Variants in LHFPL3 observed in about 807,000 individuals in gnomAD.
LHFPL3 encodes the protein LHFPL tetraspan subfamily member 3 protein.
A neutral mutation model predicts 19.3 loss-of-function variants in LHFPL3; 5 were observed. The ratio of observed to expected loss-of-function variants is 0.26; its 90% CI spans 0.14 to 0.54. The LOEUF is 0.54. Ranked by LOEUF, LHFPL3 falls within the 20% of genes least tolerant of loss-of-function variation. LHFPL3 has a pLI of 0.94. For synonymous variants in LHFPL3, 133 were observed against 126.2 expected, an observed-to-expected ratio of 1.05 and a Z score of -0.36; for missense variants, 249 against 307.4, an observed-to-expected ratio of 0.81 and a Z score of 1.42.
In LHFPL3 at chr7:104,819,593, C is replaced by T. The variant is rs376387734; in HGVS notation, c.682+82682C>T. ...AAACAAAAAAACAGCAGTTGCATCACTCTTGTAATATAAAGTATATGTGCT... is the reference window on the plus strand; with the variant it reads ...AAACAAAAAAACAGCAGTTGCATCATTCTTGTAATATAAAGTATATGTGCT... On this transcript the variant is annotated intron_variant, in intron 2 of 2. Transcript: ENST00000424859. 4.6e-5 allele frequency among the ~76,000 whole-genome samples: 7 copies of T among 152,218 alleles called. No individual in the cohort carries two copies. The East Asian group carries it at 5.8e-4, about 13-fold the overall frequency.
chr7:104,770,973 G>C (rs12705274), intron 2 of LHFPL3, among the ~76,000 whole-genome samples: 129,638 of 152,174 alleles, frequency 0.85, 55,329 homozygotes, highest in South Asian at 0.94. Context: ...ATGAATCCCC[G>C]CAAGCCCCTA....
chr7:104,565,652 T>A (rs1449519712), intron 1 of LHFPL3, among the ~76,000 whole-genome samples: 2 of 152,134 alleles, frequency 1.3e-5, no homozygotes, highest in African/African-American at 2.4e-5. Flanking sequence ...ATGCACTTCA[T>A]CTTACTGGAT....
At chr7:104,901,592 C>T (rs1053792225) in intron 2 of LHFPL3, among the ~76,000 whole-genome samples, 2 of 151,486 alleles carry the variant, frequency 1.3e-5, no homozygotes, top group Non-Finnish European at 2.9e-5. Flanking sequence ...TTTTTTGAGA[C>T]AGTCTTGCTC....
At chr7:104,843,124 C>A (rs1791246126) in intron 2 of LHFPL3, among the ~76,000 whole-genome samples, 1 of 152,260 alleles carries the variant, frequency 6.6e-6, no homozygotes, top group Non-Finnish European at 1.5e-5. Context: ...GCAAGCTGTA[C>A]TTGACATAGT....
At chr7:104,392,040 C>A (rs936568090) in intron 1 of LHFPL3, among the ~76,000 whole-genome samples, 1 of 152,114 alleles carries the variant, frequency 6.6e-6, no homozygotes, top group Non-Finnish European at 1.5e-5. Flanking sequence ...GATTTTGTAT[C>A]CTGAGGCTTT....
chr7:104,782,624 A>G (rs114703880), intron 2 of LHFPL3, among the ~76,000 whole-genome samples: 1 of 152,210 alleles, frequency 6.6e-6, no homozygotes, highest in African/African-American at 2.4e-5. Flanking sequence ...AGCCAGAACA[A>G]CCTTTCTGTA....
At chr7:104,711,490 G>T (rs1793299143) in intron 1 of LHFPL3, among the ~76,000 whole-genome samples, 2 of 152,244 alleles carry the variant, frequency 1.3e-5, no homozygotes, top group African/African-American at 4.8e-5. Flanking sequence ...GTCCAAGGCA[G>T]GGTGGTGGCC....
chr7:104,704,971 G>T (rs1358485910), intron 1 of LHFPL3, among the ~76,000 whole-genome samples: 1 of 152,188 alleles, frequency 6.6e-6, no homozygotes, highest in Non-Finnish European at 1.5e-5. Flanking sequence ...TCTCTCAGGA[G>T]ACTATAGATA....
intron 2 of LHFPL3, among the ~76,000 whole-genome samples, chr7:104,760,703 C>A (rs989196710): frequency 3.9e-5 from 6 of 152,122 alleles, no homozygotes; most frequent in Middle Eastern, 3.2e-3. Context: ...TGTATTTTAA[C>A]CACCGATGCT....
chr7:104,341,852 T>C (rs1443047074), intron 1 of LHFPL3, among the ~76,000 whole-genome samples: 1 of 152,088 alleles, frequency 6.6e-6, no homozygotes, highest in Non-Finnish European at 1.5e-5. Flanking sequence ...AGGATGATAT[T>C]CTAGAGGACG....
chr7:104,547,871 A>G (rs192481681), intron 1 of LHFPL3, among the ~76,000 whole-genome samples: 49 of 152,322 alleles, frequency 3.2e-4, no homozygotes, highest in Admixed American at 5.9e-4. Flanking sequence ...GTGAAAGGTA[A>G]TATGATGACC....
chr7:104,606,779 G>T (rs1791110421), intron 1 of LHFPL3, among the ~76,000 whole-genome samples: 1 of 152,084 alleles, frequency 6.6e-6, no homozygotes, highest in Non-Finnish European at 1.5e-5. Context: ...CTTTTTATGG[G>T]CAATTTGGTG....
intron 1 of LHFPL3, among the ~76,000 whole-genome samples, chr7:104,561,491 A>T (rs1694944061): frequency 6.7e-6 from 1 of 150,298 alleles, no homozygotes; most frequent in South Asian, 2.1e-4. Flanking sequence ...TTTATCAGAG[A>T]CTAGGATTGC....
At chr7:104,500,474 C>T (rs943236956) in intron 1 of LHFPL3, among the ~76,000 whole-genome samples, 40 of 152,232 alleles carry the variant, frequency 2.6e-4, no homozygotes, top group African/African-American at 9.1e-4. Flanking sequence ...ATAGACATAT[C>T]TACGAAACCG....
At chr7:104,729,961 G>C (rs1348414914) in intron 1 of LHFPL3, among the ~76,000 whole-genome samples, 2 of 147,358 alleles carry the variant, frequency 1.4e-5, no homozygotes, top group Non-Finnish European at 3.0e-5. Context: ...TGTTCTCATT[G>C]TTCAGTTCCC....
At chr7:104,406,434 T>C (rs1791413314) in intron 1 of LHFPL3, among the ~76,000 whole-genome samples, 2 of 151,828 alleles carry the variant, frequency 1.3e-5, no homozygotes, top group East Asian at 1.9e-4. Context: ...GTCTATCCAC[T>C]ATGTGCCAGG....
intron 1 of LHFPL3, among the ~76,000 whole-genome samples, chr7:104,733,020 G>A (rs1276875947): frequency 6.6e-6 from 1 of 152,198 alleles, no homozygotes; most frequent in Non-Finnish European, 1.5e-5. Flanking sequence ...CAGTTTCCAT[G>A]TAGTTGAGAG....
At chr7:104,618,565 ATTGT>A (rs112101858) in intron 1 of LHFPL3, among the ~76,000 whole-genome samples, 170 of 152,198 alleles carry the variant, frequency 1.1e-3, no homozygotes, top group African/African-American at 4.0e-3. Context: ...TTCGTTATAC[ATTGT>A]TTGATCATGT....
chr7:104,430,041 C>T (rs1554393030), intron 1 of LHFPL3, among the ~76,000 whole-genome samples: 2 of 151,908 alleles, frequency 1.3e-5, no homozygotes, highest in Non-Finnish European at 2.9e-5. Flanking sequence ...TCAACATCGT[C>T]TGAGTGTAAT....
Sources: gnomAD v4.1 joint callset for allele counts (sites outside exome capture counted in the v4.1 genomes callset) on GRCh38, gnomAD v4.1.1 for gene constraint, MANE v1.5 for transcripts, NCBI Gene and HGNC (gene_info 2026-07-23, HGNC 2026-07-21) for gene names.